SPG11: variants seen among roughly 807,000 people sequenced by gnomAD.
The protein encoded by SPG11 is spatacsin.
A neutral mutation model predicts 274.0 loss-of-function variants in SPG11; 222 were observed. The ratio of observed to expected loss-of-function variants is 0.81; its 90% CI spans 0.73 to 0.91. SPG11 has a LOEUF of 0.91. Ranked by LOEUF, SPG11 falls within the 40% of genes least tolerant of loss-of-function variation. The pLI, the probability that SPG11 is intolerant of heterozygous loss-of-function variation, is 0.00. For missense variants in SPG11, 3,114 were observed against 2,872.7 expected (o/e 1.08, Z -1.92); for synonymous variants, 1,144 against 1,039.7 (o/e 1.10, Z -1.93).
chr15:44,573,711 T>C lies in SPG11; in HGVS notation c.6041A>G (p.Gln2014Arg), dbSNP rs779159302. 2.5e-6 allele frequency: 4 copies of C among 1,614,218 alleles called. No individual in the cohort carries two copies. Among genetic ancestry groups the C allele is most frequent in the South Asian group, 2.2e-5 (2 of 91,086 alleles). ...TTTCCGGAGCATGGCTTCACCATCC[T>C]GAGCAGCAACATCTGTGTAGGAACA... ...LGCSYTDVAA[Q>R]DGEAMLRKIL... Residue 2014 changes from glutamine to arginine, a missense_variant, in exon 32 of 40, where the codon CAG becomes CGG. Gln to Arg is a conservative substitution (Grantham distance 43). Transcript: ENST00000261866.
chr15:44,605,922 T>A, intron 20 of SPG11, 103 bp downstream of exon 20: 3 of 1,042,934 alleles, frequency 2.9e-6, no homozygotes, highest in Non-Finnish European at 4.4e-6. Flanking sequence ...ACCTTTACTT[T>A]TAAAATAAAA....
intron 3 of SPG11, 93 bp downstream of exon 3, chr15:44,658,986 T>A: frequency 1.7e-6 from 2 of 1,207,866 alleles, no homozygotes; most frequent in Admixed American, 1.8e-5. Context: ...ACTTCCTATA[T>A]CCCAGCTCCC....
chr15:44,612,315 G>T (rs1319867500), intron 17 of SPG11, among the ~76,000 whole-genome samples: 1 of 152,120 alleles, frequency 6.6e-6, no homozygotes, highest in Non-Finnish European at 1.5e-5. Flanking sequence ...AAGATAACTG[G>T]AACAAAATAC....
chr15:44,662,041 A>G (rs564722456), intron 1 of SPG11, among the ~76,000 whole-genome samples: 13 of 152,296 alleles, frequency 8.5e-5, no homozygotes, highest in East Asian at 5.8e-4. Context: ...TCAAACACCT[A>G]AAGATTTCGG....
At chr15:44,565,827 C>G (rs1301003898) in intron 38 of SPG11, 27 bp downstream of exon 38, 1 of 1,613,562 alleles carries the variant, frequency 6.2e-7, no homozygotes, top group African/African-American at 1.3e-5. Context: ...GCTAGCAGTG[C>G]TGGCTACAGT....
chr15:44,599,207 T>C (rs931954005), intron 21 of SPG11, among the ~76,000 whole-genome samples: 4 of 152,222 alleles, frequency 2.6e-5, no homozygotes, highest in African/African-American at 2.4e-5. Flanking sequence ...AAATGTAAGT[T>C]TGACATCATG....
intron 23 of SPG11, 130 bp downstream of exon 23, chr15:44,598,135 T>TG: frequency 1.4e-6 from 1 of 695,280 alleles, no homozygotes; most frequent in Non-Finnish European, 2.6e-6. Context: ...TGCTACATGC[T>TG]AGATAAAGAA....
intron 29 of SPG11, among the ~76,000 whole-genome samples, chr15:44,584,889 A>T (rs907324056): frequency 5.9e-5 from 9 of 152,184 alleles, no homozygotes; most frequent in South Asian, 2.1e-4. Flanking sequence ...TTGCCCTCCC[A>T]AAGTGCTGGG....
intron 27 of SPG11, 23 bp from the exon 28 acceptor site, chr15:44,589,437 T>G (rs2140957283): frequency 6.2e-7 from 1 of 1,613,924 alleles, no homozygotes; most frequent in Middle Eastern, 1.7e-4. Context: ...AAGAGAAGCT[T>G]AGGGAAAGCA....
Position 44,566,010 on chromosome 15 carries a change from C to G in SPG11, c.6844-1G>C, listed in dbSNP as rs1555446479. 1.2e-6 allele frequency: 2 copies of G among 1,613,528 alleles called. No individual in the cohort carries two copies. Among genetic ancestry groups the G allele is most frequent in the Middle Eastern group, 1.7e-4 (1 of 5,718 alleles). ...GCTGGGCCTGTCGCACACAGGAGTC[C>G]TGAGGAACAAGGGTGGAGAGGCACA... On this transcript the variant is annotated splice_acceptor_variant, in intron 37 of 39. Coordinates refer to ENST00000261866, the MANE Select transcript of SPG11 (RefSeq NM_025137.4). LOFTEE classifies it high-confidence loss of function.
chr15:44,615,009 G>A (rs1323417450), intron 16 of SPG11, among the ~76,000 whole-genome samples: 2 of 152,142 alleles, frequency 1.3e-5, no homozygotes, highest in African/African-American at 4.8e-5. Flanking sequence ...TGAAATCAAA[G>A]TTGCTTAGCA....
rs538959403 is a variant in SPG11, at chr15:44,565,097, C to T, written c.7000-399G>A. On this transcript the variant is annotated intron_variant, in intron 38 of 39. Coordinates refer to ENST00000261866, the MANE Select transcript of SPG11 (RefSeq NM_025137.4). The stretch of plus-strand genomic sequence containing the variant: ...GAAACTGCTAAGAATATATTATTCC[C>T]ATTAGCAGTATGAGGAACAGTGAAA... Among the ~76,000 whole-genome samples the T allele has an allele frequency of 4.4e-4, 67 of 152,278 alleles. No individual in the cohort carries two copies. The South Asian group carries it at 0.011, about 25-fold the overall frequency.
intron 7 of SPG11, among the ~76,000 whole-genome samples, chr15:44,636,627 A>C (rs1483965373): frequency 1.3e-5 from 2 of 151,952 alleles, no homozygotes; most frequent in Non-Finnish European, 2.9e-5. Context: ...GTGCCACTGC[A>C]CTCCAGCCTG....
At position 44,584,710 on chromosome 15, in the gene SPG11, G is replaced by C. The variant is rs531588438; in HGVS notation, c.5122-152C>G. The C allele has an allele frequency of 3.4e-3, 3,102 of 914,640 alleles. 10 individuals carry two copies. Among genetic ancestry groups the C allele is most frequent in the Non-Finnish European group, 4.1e-3 (2,426 of 586,090 alleles). The allele number at this position is 914,640 out of a possible 1,614,324, so 56.7% of individuals were successfully genotyped here. On this transcript the variant is annotated intron_variant, in intron 29 of 39. Coordinates refer to ENST00000261866, the MANE Select transcript of SPG11 (RefSeq NM_025137.4). ...GTGGTGGCGATCACAGCACACTGCA[G>C]CCTCAACCTGCTGGACCCAAGAGAT... is the stretch of plus-strand genomic sequence containing the variant.
At chr15:44,636,597 G>C (rs1488258718) in intron 7 of SPG11, among the ~76,000 whole-genome samples, 1 of 151,846 alleles carries the variant, frequency 6.6e-6, no homozygotes, top group Non-Finnish European at 1.5e-5. Context: ...GGGCGGCGGA[G>C]CTTGCAGTGA....
intron 7 of SPG11, among the ~76,000 whole-genome samples, chr15:44,638,873 G>T (rs1279615024): frequency 6.6e-6 from 1 of 152,064 alleles, no homozygotes; most frequent in Non-Finnish European, 1.5e-5. Flanking sequence ...GTGCATGCCT[G>T]TAATCCTAGC....
In SPG11 at chr15:44,657,562, G is replaced by A. The variant is rs188340377; in HGVS notation, c.668-266C>T. Reference sequence around the variant, plus strand: ...CCAGAGGCACTGCTATTTTCCAACAGCACTGGCCAAGAGATGAGGTAAACC... The same window carrying A: ...CCAGAGGCACTGCTATTTTCCAACAACACTGGCCAAGAGATGAGGTAAACC... On this transcript the variant is annotated intron_variant, in intron 3 of 39. Coordinates refer to ENST00000261866, the MANE Select transcript of SPG11 (RefSeq NM_025137.4). Among the ~76,000 whole-genome samples, 900 of 152,244 alleles carry A rather than the reference G, an allele frequency of 5.9e-3. 5 individuals carry two copies. Among genetic ancestry groups the A allele is most frequent in the Non-Finnish European group, 9.2e-3 (625 of 68,012 alleles).
chr15:44,662,442 G>A (rs529858853), intron 1 of SPG11, among the ~76,000 whole-genome samples: 1 of 151,902 alleles, frequency 6.6e-6, no homozygotes, highest in Non-Finnish European at 1.5e-5. Context: ...AGGGAGAGGC[G>A]GGATCACTTG....
Position 44,573,710 on chromosome 15 carries a change from C to CGGA in SPG11, c.6041_6042insTCC (p.Gln2014delinsHisPro). ...TTTTCCGGAGCATGGCTTCACCATC[C>CGGA]TGAGCAGCAACATCTGTGTAGGAAC... On this transcript the variant is annotated protein_altering_variant, in exon 32 of 40. Coordinates refer to ENST00000261866, the MANE Select transcript of SPG11 (RefSeq NM_025137.4). The CGGA allele has an allele frequency of 6.2e-7, 1 of 1,614,206 alleles. No individual in the cohort carries two copies. The highest frequency in any genetic ancestry group is 8.5e-7 in the Non-Finnish European group (1 of 1,180,048).
Sources: allele counts gnomAD v4.1 joint callset (sites outside exome capture counted in the v4.1 genomes callset), GRCh38; gene constraint gnomAD v4.1.1; transcripts MANE v1.5; gene names NCBI Gene and HGNC (gene_info 2026-07-23, HGNC 2026-07-21).